LGSN: variants seen among roughly 807,000 people sequenced by gnomAD.
LGSN encodes the protein lengsin.
LGSN carries 21 observed loss-of-function variants against 19.5 expected under a neutral mutation model. The ratio of observed to expected loss-of-function variants is 1.07; its 90% CI spans 0.76 to 1.55. The LOEUF is 1.55. Among genes scored for constraint, LGSN ranks in the 40% most tolerant of loss-of-function variants. LGSN has a pLI of 0.00. For synonymous variants in LGSN, 257 were observed against 215.6 expected, an observed-to-expected ratio of 1.19 and a Z score of -1.68; for missense variants, 673 against 608.5, an observed-to-expected ratio of 1.11 and a Z score of -1.12.
chr6:63,310,387 T>A (rs1768573749), intron 1 of LGSN, among the ~76,000 whole-genome samples: 1 of 152,140 alleles, frequency 6.6e-6, no homozygotes, highest in Admixed American at 6.6e-5. Flanking sequence ...TACAATATAA[T>A]CTTTTGATAT....
At chr6:63,296,596 T>C (rs1418926440) in intron 1 of LGSN, among the ~76,000 whole-genome samples, 1 of 152,052 alleles carries the variant, frequency 6.6e-6, no homozygotes, top group African/African-American at 2.4e-5. Context: ...AGACTAAATT[T>C]GTCTTAGCTT....
chr6:63,418,961 A>T, the LGSN span, among the ~76,000 whole-genome samples: 1 of 152,208 alleles, frequency 6.6e-6, no homozygotes, highest in Non-Finnish European at 1.5e-5. Flanking sequence ...GCAGTAATGA[A>T]GCAACCTTCC....
the LGSN span, among the ~76,000 whole-genome samples, chr6:63,551,141 C>G: frequency 6.6e-6 from 1 of 152,238 alleles, no homozygotes; most frequent in African/African-American, 2.4e-5. Flanking sequence ...TCTCTGCTCA[C>G]TGCAACCTCT....
chr6:63,505,752 C>G, the LGSN span, among the ~76,000 whole-genome samples: 1 of 152,068 alleles, frequency 6.6e-6, no homozygotes, highest in African/African-American at 2.4e-5. Context: ...CTCTTCCTTC[C>G]GAGTTCAAGC....
chr6:63,294,293 C>A (rs1418268063), intron 2 of LGSN, among the ~76,000 whole-genome samples: 1 of 151,974 alleles, frequency 6.6e-6, no homozygotes, highest in Non-Finnish European at 1.5e-5. Context: ...CAAGATCATG[C>A]CACTGCACTC....
the LGSN span, among the ~76,000 whole-genome samples, chr6:63,547,584 C>T: frequency 2.7e-5 from 4 of 145,926 alleles, no homozygotes; most frequent in East Asian, 2.0e-4. Context: ...TGGCTCACTG[C>T]GAGCTCCGCC....
the LGSN span, among the ~76,000 whole-genome samples, chr6:63,492,787 T>A: frequency 1.3e-5 from 2 of 152,258 alleles, no homozygotes; most frequent in South Asian, 2.1e-4. Flanking sequence ...CAGGTGTAGG[T>A]GTAATGGCTT....
chr6:63,435,908 TAAA>T, the LGSN span, among the ~76,000 whole-genome samples: 61,977 of 138,110 alleles, frequency 0.45, 14,683 homozygotes, highest in Middle Eastern at 0.54. Flanking sequence ...TCATCCAAAT[TAAA>T]AAAAAAAAAA....
chr6:63,295,409 A>G (rs1420984051), intron 1 of LGSN, among the ~76,000 whole-genome samples: 1 of 152,166 alleles, frequency 6.6e-6, no homozygotes, highest in Non-Finnish European at 1.5e-5. Flanking sequence ...TTTACTTTTT[A>G]TGATTTCTAT....
the LGSN span, among the ~76,000 whole-genome samples, chr6:63,464,146 T>TA: frequency 4.0e-3 from 597 of 150,044 alleles, 2 homozygotes; most frequent in African/African-American, 0.013. Context: ...TTTCCCTAAT[T>TA]AAAAAAAAAA....
the LGSN span, among the ~76,000 whole-genome samples, chr6:63,473,247 C>T: frequency 6.6e-6 from 1 of 151,758 alleles, no homozygotes; most frequent in Non-Finnish European, 1.5e-5. Context: ...CTGAGGTGGG[C>T]TGATTGCCTG....
the LGSN span, among the ~76,000 whole-genome samples, chr6:63,536,052 C>T: frequency 6.7e-6 from 1 of 149,232 alleles, no homozygotes; most frequent in East Asian, 2.2e-4. Flanking sequence ...GGTTTACAGG[C>T]TTGAGCCACC....
At chr6:63,547,037 G>T in the LGSN span, among the ~76,000 whole-genome samples, 2 of 152,030 alleles carry the variant, frequency 1.3e-5, no homozygotes, top group African/African-American at 4.8e-5. Context: ...GTGATAGATG[G>T]TTTTCACTTA....
the LGSN span, among the ~76,000 whole-genome samples, chr6:63,519,094 C>A: frequency 6.6e-6 from 1 of 152,064 alleles, no homozygotes; most frequent in African/African-American, 2.4e-5. Context: ...GCGGGCAGAT[C>A]GCCTGAAGTT....
the LGSN span, among the ~76,000 whole-genome samples, chr6:63,384,488 CTTGT>C: frequency 1.7e-4 from 20 of 114,636 alleles, no homozygotes; most frequent in East Asian, 1.6e-3. Context: ...GAAATAACAC[CTTGT>C]GTGTGTGTGT....
the LGSN span, among the ~76,000 whole-genome samples, chr6:63,386,316 C>T: frequency 6.6e-6 from 1 of 152,122 alleles, no homozygotes; most frequent in African/African-American, 2.4e-5. Context: ...CTTTCTGTAG[C>T]TCAGCTACAA....
intron 1 of LGSN, among the ~76,000 whole-genome samples, chr6:63,304,250 G>T: frequency 6.6e-6 from 1 of 152,166 alleles, no homozygotes; most frequent in South Asian, 2.1e-4. Flanking sequence ...ATAAAACATT[G>T]CCAAGAGGCC....
the LGSN span, among the ~76,000 whole-genome samples, chr6:63,483,063 G>C: frequency 1.4e-4 from 21 of 152,298 alleles, 1 homozygote; most frequent in South Asian, 4.3e-3. Context: ...TCATTACTAA[G>C]ACTAGAGAGT....
the LGSN span, among the ~76,000 whole-genome samples, chr6:63,512,804 C>A: frequency 1.3e-5 from 2 of 152,170 alleles, no homozygotes; most frequent in Non-Finnish European, 2.9e-5. Flanking sequence ...ATAAATACAA[C>A]AACTTTACTA....
Sources: gnomAD v4.1 joint callset for allele counts (sites outside exome capture counted in the v4.1 genomes callset) on GRCh38, gnomAD v4.1.1 for gene constraint, MANE v1.5 for transcripts, NCBI Gene and HGNC (gene_info 2026-07-23, HGNC 2026-07-21) for gene names.